The following CHODL variants were observed in gnomAD, a reference collection of about 807,000 sequenced individuals.
CHODL encodes chondrolectin, also known as transmembrane protein MT75.
Under a neutral mutation model 34.5 loss-of-function variants are expected in CHODL, and 29 were observed. The observed-to-expected ratio is 0.84, with a 90% CI of 0.63 to 1.15. The LOEUF is 1.15. Among genes scored for constraint, CHODL ranks in the 50% most tolerant of loss-of-function variants. The pLI is 0.00. For missense variants in CHODL, 332 were observed against 332.5 expected, an observed-to-expected ratio of 1.00 and a Z score of 0.01; for synonymous variants, 125 against 116.1, an observed-to-expected ratio of 1.08 and a Z score of -0.49.
intron 1 of CHODL, among the ~76,000 whole-genome samples, chr21:18,248,525 TAA>T (rs1217310995): frequency 6.8e-6 from 1 of 146,384 alleles, no homozygotes; most frequent in African/African-American, 2.6e-5. Flanking sequence ...TTTTGTTTTA[TAA>T]CTCTTTCCCA....
intron 2 of CHODL, among the ~76,000 whole-genome samples, chr21:18,174,161 A>ATATATATATATCTTGGTATATATAT (rs2073276201): frequency 1.2e-5 from 1 of 85,658 alleles, no homozygotes; most frequent in African/African-American, 3.3e-5. Flanking sequence ...ATATATATAT[A>ATATATATATATCTTGGTATATATAT]AAATCAAGTC....
intron 1 of CHODL, among the ~76,000 whole-genome samples, chr21:17,994,423 G>A (rs954415509): frequency 7.2e-5 from 11 of 152,172 alleles, no homozygotes; most frequent in African/African-American, 2.2e-4. Context: ...TGTCATGCTA[G>A]GAGGACCAAT....
At chr21:18,232,928 C>T (rs2073993424) in intron 2 of CHODL, among the ~76,000 whole-genome samples, 1 of 105,676 alleles carries the variant, frequency 9.5e-6, no homozygotes, top group Non-Finnish European at 1.8e-5. Context: ...ATTATGGGGT[C>T]CACATGATGT....
At chr21:18,161,996 A>G (rs979034960) in intron 2 of CHODL, among the ~76,000 whole-genome samples, 1 of 152,138 alleles carries the variant, frequency 6.6e-6, no homozygotes, top group Non-Finnish European at 1.5e-5. Context: ...ATTACCACCC[A>G]CAAGATATTG....
At chr21:17,928,195 G>A (rs897913338) in intron 1 of CHODL, among the ~76,000 whole-genome samples, 3 of 152,108 alleles carry the variant, frequency 2.0e-5, no homozygotes, top group African/African-American at 7.2e-5. Flanking sequence ...TGCTAGTTTT[G>A]TTTTGACATT....
intron 1 of CHODL, among the ~76,000 whole-genome samples, chr21:17,943,823 C>T (rs1344708146): frequency 6.6e-6 from 1 of 152,180 alleles, no homozygotes; most frequent in Non-Finnish European, 1.5e-5. Context: ...CACTCAGCTT[C>T]CTTAGCATTC....
At chr21:17,979,602 G>C (rs946871076) in intron 1 of CHODL, among the ~76,000 whole-genome samples, 1 of 152,200 alleles carries the variant, frequency 6.6e-6, no homozygotes, top group Non-Finnish European at 1.5e-5. Flanking sequence ...CATTATGGCT[G>C]AGTAAAGAGC....
chr21:17,938,483 TTTTTTTTTTTA>T (rs2063334890), intron 1 of CHODL, among the ~76,000 whole-genome samples: 2 of 1,498 alleles, frequency 1.3e-3, no homozygotes, highest in East Asian at 0.018. Context: ...TTTTTTTTTT[TTTTTTTTTTTA>T]AGGAAAGGGA....
At chr21:18,037,037 A>G (rs574844518) in intron 2 of CHODL, among the ~76,000 whole-genome samples, 5 of 151,974 alleles carry the variant, frequency 3.3e-5, no homozygotes, top group Non-Finnish European at 5.9e-5. Context: ...CAATAAAGGT[A>G]TGAAGAATTC....
intron 2 of CHODL, among the ~76,000 whole-genome samples, chr21:18,167,488 T>C (rs1254373083): frequency 6.6e-6 from 1 of 151,834 alleles, no homozygotes; most frequent in East Asian, 1.9e-4. Context: ...TTTTTGTATT[T>C]GTAGTACAGA....
chr21:18,194,693 T>C (rs2073561218), intron 2 of CHODL, among the ~76,000 whole-genome samples: 1 of 152,122 alleles, frequency 6.6e-6, no homozygotes, highest in South Asian at 2.1e-4. Context: ...CACATAGGTA[T>C]ACATTGAAAT....
intron 1 of CHODL, among the ~76,000 whole-genome samples, chr21:17,971,742 C>T (rs2063616574): frequency 6.6e-6 from 1 of 152,136 alleles, no homozygotes; most frequent in South Asian, 2.1e-4. Context: ...GAGCTGGTAC[C>T]ATTCCTTCTG....
chr21:18,185,997 A>T (rs113230396), intron 2 of CHODL, among the ~76,000 whole-genome samples: 2,623 of 152,260 alleles, frequency 0.017, 35 homozygotes, highest in Middle Eastern at 0.031. Flanking sequence ...TTTGAGGGTG[A>T]GGAGGACAAG....
At chr21:17,999,366 C>A (rs1182565637) in intron 1 of CHODL, among the ~76,000 whole-genome samples, 1 of 152,254 alleles carries the variant, frequency 6.6e-6, no homozygotes, top group Non-Finnish European at 1.5e-5. Flanking sequence ...GCTCTCCAAA[C>A]TGTTCCAACC....
At chr21:18,151,821 T>C (rs568621483) in intron 2 of CHODL, among the ~76,000 whole-genome samples, 84 of 152,296 alleles carry the variant, frequency 5.5e-4, no homozygotes, top group Admixed American at 9.2e-4. Flanking sequence ...AAGTCTTCTG[T>C]GTTGACTGTT....
chr21:18,023,474 A>C (rs977124536), intron 1 of CHODL, among the ~76,000 whole-genome samples: 8 of 152,080 alleles, frequency 5.3e-5, no homozygotes, highest in African/African-American at 1.9e-4. Context: ...AGCTTGGGTA[A>C]CAAAAAGGAT....
intron 2 of CHODL, among the ~76,000 whole-genome samples, chr21:18,101,255 C>A (rs1340683464): frequency 1.3e-5 from 2 of 152,158 alleles, no homozygotes; most frequent in Admixed American, 6.6e-5. Context: ...TTGTCTTCTG[C>A]CATGATTGTG....
At chr21:18,264,441 A>C (rs1036343428) in intron 5 of CHODL, among the ~76,000 whole-genome samples, 2 of 151,926 alleles carry the variant, frequency 1.3e-5, no homozygotes, top group South Asian at 2.1e-4. Flanking sequence ...ATCTCTACTA[A>C]AAATACAAAA....
chr21:18,161,582 C>CTTACTTT (rs896699089), intron 2 of CHODL, among the ~76,000 whole-genome samples: 2 of 152,144 alleles, frequency 1.3e-5, no homozygotes, highest in African/African-American at 2.4e-5. Flanking sequence ...CATGCTTTCT[C>CTTACTTT]TTACTTTTTA....
Sources: allele counts gnomAD v4.1 joint callset (sites outside exome capture counted in the v4.1 genomes callset), GRCh38; gene constraint gnomAD v4.1.1; transcripts MANE v1.5; gene names NCBI Gene and HGNC (gene_info 2026-07-23, HGNC 2026-07-21).